Variants in PCDH15 observed in about 807,000 individuals in gnomAD.
PCDH15 encodes protocadherin-15.
A neutral mutation model predicts 178.5 loss-of-function variants in PCDH15; 129 were observed. The ratio of observed to expected loss-of-function variants is 0.72; its 90% CI spans 0.63 to 0.84. The LOEUF is 0.84. Among genes scored for constraint, PCDH15 ranks in the 40% least tolerant of loss-of-function variants. The probability of loss-of-function intolerance (pLI) is 0.00; values close to 1 mark genes in which losing one functional copy is unlikely to be tolerated. For missense variants in PCDH15, 2,230 were observed against 2,099.9 expected (o/e 1.06, Z -1.21); for synonymous variants, 800 against 732.0 (o/e 1.09, Z -1.50).
At chr10:54,157,040 C>T (rs73245440) in intron 13 of PCDH15, among the ~76,000 whole-genome samples, 3 of 152,194 alleles carry the variant, frequency 2.0e-5, no homozygotes, top group Non-Finnish European at 2.9e-5. Context: ...CAGCCTCCCC[C>T]CCAACTTTGT....
At chr10:54,010,597 T>C (rs2092548332) in intron 20 of PCDH15, among the ~76,000 whole-genome samples, 1 of 152,150 alleles carries the variant, frequency 6.6e-6, no homozygotes, top group Non-Finnish European at 1.5e-5. Flanking sequence ...CTTGGGCCCC[T>C]AGCACAACCA....
At chr10:54,967,560 A>G (rs1564673079) in intron 2 of PCDH15, among the ~76,000 whole-genome samples, 1 of 152,178 alleles carries the variant, frequency 6.6e-6, no homozygotes, top group Non-Finnish European at 1.5e-5. Context: ...GTGTAGAAAT[A>G]TCCAGCTCAT....
At chr10:54,452,876 C>T (rs993174983) in intron 3 of PCDH15, among the ~76,000 whole-genome samples, 14 of 151,926 alleles carry the variant, frequency 9.2e-5, no homozygotes, top group African/African-American at 1.9e-4. Flanking sequence ...AGATGCTGTC[C>T]CCAGTTCAAG....
intron 2 of PCDH15, among the ~76,000 whole-genome samples, chr10:55,045,565 AT>A (rs1441198292): frequency 6.6e-6 from 1 of 152,088 alleles, no homozygotes; most frequent in Admixed American, 6.6e-5. Context: ...TCTTGTTCAC[AT>A]GTTCAAATTG....
At chr10:53,810,098 C>CTAAT (rs35147485) in intron 37 of PCDH15, among the ~76,000 whole-genome samples, 9,965 of 151,954 alleles carry the variant, frequency 0.066, 396 homozygotes, top group East Asian at 0.14. Context: ...ATGAGTCATG[C>CTAAT]TAATTTAAAC....
chr10:54,515,630 T>G (rs989309392), intron 3 of PCDH15, among the ~76,000 whole-genome samples: 1 of 151,880 alleles, frequency 6.6e-6, no homozygotes, highest in African/African-American at 2.4e-5. Context: ...TTGAAGAGAG[T>G]AGTGGTTCTC....
chr10:55,231,558 G>A (rs1052813884), intron 1 of PCDH15, among the ~76,000 whole-genome samples: 10 of 151,996 alleles, frequency 6.6e-5, no homozygotes, highest in African/African-American at 2.4e-4. Flanking sequence ...CCAATGAAAT[G>A]AGAAATGAAT....
intron 3 of PCDH15, among the ~76,000 whole-genome samples, chr10:54,518,496 C>G (rs1383811178): frequency 2.6e-5 from 4 of 152,058 alleles, no homozygotes; most frequent in Admixed American, 2.6e-4. Flanking sequence ...ATACACCCCC[C>G]CAAGACTAAA....
In PCDH15 at chr10:54,683,502, T is replaced by C. The variant is rs372473169; in HGVS notation, c.-28-19212A>G. Among the ~76,000 whole-genome samples the C allele has an allele frequency of 6.6e-5, 10 of 152,270 alleles. No homozygotes were observed. In the South Asian group the frequency reaches 8.3e-4, roughly 13 times the overall value. On this transcript the variant is annotated intron_variant, in intron 1 of 37. Coordinates refer to ENST00000644397, the MANE Select transcript of PCDH15 (RefSeq NM_001384140.1). Reference sequence around the variant, plus strand: ...CAAAATTGAATTATTTTATCACGTTTCAGATGGAACTACAATTATTGAGCA... The same window carrying C: ...CAAAATTGAATTATTTTATCACGTTCCAGATGGAACTACAATTATTGAGCA...
At chr10:55,391,286 T>C (rs1424053104) in intron 2 of PCDH15, among the ~76,000 whole-genome samples, 1 of 151,906 alleles carries the variant, frequency 6.6e-6, no homozygotes, top group Non-Finnish European at 1.5e-5. Flanking sequence ...CTTCTCCAGC[T>C]TCCAACACAT....
intron 15 of PCDH15, among the ~76,000 whole-genome samples, chr10:54,116,224 G>T (rs1446874999): frequency 1.1e-4 from 14 of 132,882 alleles, no homozygotes; most frequent in South Asian, 5.6e-4. Context: ...CAATGGAATG[G>T]GCACTGAAAA....
chr10:55,618,915 A>C (rs60742515), intron 2 of PCDH15, among the ~76,000 whole-genome samples: 23,207 of 151,970 alleles, frequency 0.15, 1,838 homozygotes, highest in East Asian at 0.18. Flanking sequence ...GCATGATGAC[A>C]AAAAAATAAG....
At chr10:54,116,875 A>G (rs1395926895) in intron 15 of PCDH15, among the ~76,000 whole-genome samples, 8 of 152,162 alleles carry the variant, frequency 5.3e-5, no homozygotes, top group Non-Finnish European at 8.8e-5. Context: ...TTTTCTAGTA[A>G]TTCATTTAAA....
intron 5 of PCDH15, among the ~76,000 whole-genome samples, chr10:54,357,362 A>G (rs1482482612): frequency 6.6e-6 from 1 of 152,198 alleles, no homozygotes; most frequent in African/African-American, 2.4e-5. Flanking sequence ...ATTCTTATAC[A>G]CCAATAACAG....
At chr10:53,917,201 A>C (rs2083598752) in intron 25 of PCDH15, among the ~76,000 whole-genome samples, 1 of 152,178 alleles carries the variant, frequency 6.6e-6, no homozygotes, top group South Asian at 2.1e-4. Flanking sequence ...AATTTATTTC[A>C]AAAGCTGAGA....
At chr10:55,546,172 G>T (rs1841877969) in intron 2 of PCDH15, among the ~76,000 whole-genome samples, 1 of 152,192 alleles carries the variant, frequency 6.6e-6, no homozygotes, top group South Asian at 2.1e-4. Context: ...CACTGGTTTT[G>T]ATATGGAAGA....
intron 13 of PCDH15, among the ~76,000 whole-genome samples, chr10:54,170,408 G>A (rs1590933999): frequency 6.6e-6 from 1 of 151,870 alleles, no homozygotes; most frequent in South Asian, 2.1e-4. Flanking sequence ...GCGTGCAGTG[G>A]CTGCCACTGC....
At chr10:53,903,613 T>C (rs2082475540) in intron 25 of PCDH15, among the ~76,000 whole-genome samples, 1 of 152,132 alleles carries the variant, frequency 6.6e-6, no homozygotes, top group African/African-American at 2.4e-5. Context: ...CTTTACTTGA[T>C]TTAATTTGGC....
chr10:54,870,378 T>C (rs1954014288), intron 3 of PCDH15, among the ~76,000 whole-genome samples: 2 of 152,196 alleles, frequency 1.3e-5, no homozygotes, highest in Non-Finnish European at 2.9e-5. Context: ...ACACTGGCCA[T>C]ATAAATAGGG....
Sources: allele counts gnomAD v4.1 joint callset (sites outside exome capture counted in the v4.1 genomes callset), GRCh38; gene constraint gnomAD v4.1.1; transcripts MANE v1.5; gene names NCBI Gene and HGNC (gene_info 2026-07-23, HGNC 2026-07-21).